Variants in PPM1L observed in about 807,000 individuals in gnomAD.
The protein encoded by PPM1L is protein phosphatase, Mg2+/Mn2+ dependent 1L, also known as protein phosphatase 1L.
Under a neutral mutation model 31.4 loss-of-function variants are expected in PPM1L, and 13 were observed. The observed-to-expected ratio is 0.41, with a 90% CI of 0.27 to 0.66. PPM1L has a LOEUF of 0.66. PPM1L is among the 30% of genes least tolerant of loss of function. The probability of loss-of-function intolerance (pLI) is 0.29; values close to 1 mark genes in which losing one functional copy is unlikely to be tolerated. For missense variants in PPM1L, 326 were observed against 453.7 expected, an observed-to-expected ratio of 0.72 and a Z score of 2.56; for synonymous variants, 184 against 175.4, an observed-to-expected ratio of 1.05 and a Z score of -0.39.
chr3:160,933,346 G>A (rs1714848318), intron 1 of PPM1L, among the ~76,000 whole-genome samples: 2 of 151,888 alleles, frequency 1.3e-5, no homozygotes, highest in Admixed American at 6.6e-5. Flanking sequence ...TTTTTGAACT[G>A]TTCACAAAAT....
At chr3:160,926,673 T>G (rs1714604665) in intron 1 of PPM1L, among the ~76,000 whole-genome samples, 1 of 152,204 alleles carries the variant, frequency 6.6e-6, no homozygotes, top group South Asian at 2.1e-4. Flanking sequence ...GGATGTTTGT[T>G]TCAATGTGAG....
At chr3:160,990,855 T>C (rs995684298) in intron 2 of PPM1L, among the ~76,000 whole-genome samples, 4 of 152,202 alleles carry the variant, frequency 2.6e-5, no homozygotes, top group Non-Finnish European at 5.9e-5. Flanking sequence ...GTCTATTACA[T>C]TGCAGAATCT....
intron 1 of PPM1L, among the ~76,000 whole-genome samples, chr3:160,793,930 G>A (rs948114012): frequency 6.7e-6 from 1 of 148,616 alleles, no homozygotes; most frequent in Non-Finnish European, 1.5e-5. Flanking sequence ...GGCTGGGGCA[G>A]TTGAGCTCTG....
At position 160,957,687 on chromosome 3, in the gene PPM1L, C is replaced by T. The variant is rs187815577; in HGVS notation, c.400-4049C>T. Among the ~76,000 whole-genome samples the T allele has an allele frequency of 1.4e-3, 218 of 151,684 alleles. 2 individuals carry two copies. In the South Asian group the frequency reaches 0.019, roughly 13 times the overall value. On this transcript the variant is annotated intron_variant, in intron 1 of 3. Coordinates refer to ENST00000498165, the MANE Select transcript of PPM1L (RefSeq NM_139245.4). ...CCGCCTCCCAGGTTCACCCATTCTC[C>T]TGCCTCGGCCTCCCAAGTAGCTGGG...
intron 1 of PPM1L, among the ~76,000 whole-genome samples, chr3:160,875,233 T>G (rs1712464868): frequency 1.3e-5 from 2 of 152,384 alleles, no homozygotes; most frequent in South Asian, 4.1e-4. Flanking sequence ...TACTTATTTA[T>G]TTAGTTTCAC....
At chr3:160,860,777 G>C (rs1024631730) in intron 1 of PPM1L, among the ~76,000 whole-genome samples, 1 of 152,172 alleles carries the variant, frequency 6.6e-6, no homozygotes, top group Non-Finnish European at 1.5e-5. Flanking sequence ...GTCTGATGAG[G>C]TTCCTCTTCC....
chr3:160,876,573 G>T (rs980341723), intron 1 of PPM1L, among the ~76,000 whole-genome samples: 1 of 152,220 alleles, frequency 6.6e-6, no homozygotes, highest in African/African-American at 2.4e-5. Flanking sequence ...AAGTGCTCCT[G>T]TTACTGCAGA....
At chr3:160,907,367 A>C (rs2108059395) in intron 1 of PPM1L, among the ~76,000 whole-genome samples, 1 of 152,370 alleles carries the variant, frequency 6.6e-6, no homozygotes, top group South Asian at 2.1e-4. Flanking sequence ...GAAGCTACCT[A>C]GCTTTTTGAA....
At chr3:160,974,984 T>A (rs1716513854) in intron 2 of PPM1L, among the ~76,000 whole-genome samples, 1 of 152,186 alleles carries the variant, frequency 6.6e-6, no homozygotes, top group South Asian at 2.1e-4. Flanking sequence ...TAGATTTTCT[T>A]CTAGGGTTTT....
intron 1 of PPM1L, among the ~76,000 whole-genome samples, chr3:160,925,851 A>G (rs1443344474): frequency 6.6e-6 from 1 of 152,216 alleles, no homozygotes; most frequent in Non-Finnish European, 1.5e-5. Flanking sequence ...CCATCTTTCT[A>G]GTTCTACTCA....
chr3:160,956,158 T>C (rs1032236236), intron 1 of PPM1L, among the ~76,000 whole-genome samples: 1 of 152,212 alleles, frequency 6.6e-6, no homozygotes, highest in African/African-American at 2.4e-5. Context: ...CTTCTTTTCA[T>C]TTATCCTTCT....
rs150114829 is a variant in PPM1L at position 160,912,590 on chromosome 3, A to G, written c.400-49146A>G. Among the ~76,000 whole-genome samples the G allele has an allele frequency of 4.7e-4, 71 of 152,278 alleles. No individual in the cohort carries two copies. The East Asian group carries it at 0.012, about 25-fold the overall frequency. On this transcript the variant is annotated intron_variant, in intron 1 of 3. Transcript: ENST00000498165. ...GTCTGAAATGCCACCAATTCTAGCA[A>G]TTGATTTATCTGGATCCCCTAAGAC...
At chr3:160,967,447 G>T (rs1716190353) in intron 2 of PPM1L, among the ~76,000 whole-genome samples, 1 of 151,892 alleles carries the variant, frequency 6.6e-6, no homozygotes, top group Admixed American at 6.6e-5. Context: ...GTCTATAAGG[G>T]CCTGGTTCCT....
At chr3:160,870,071 G>C (rs1159069237) in intron 1 of PPM1L, among the ~76,000 whole-genome samples, 2 of 152,124 alleles carry the variant, frequency 1.3e-5, no homozygotes, top group African/African-American at 4.8e-5. Flanking sequence ...TTTCTTGCCA[G>C]CACCTGCCAC....
chr3:161,035,302 G>GGTGA (rs1207353914), intron 2 of PPM1L, among the ~76,000 whole-genome samples: 7 of 152,056 alleles, frequency 4.6e-5, no homozygotes, highest in African/African-American at 1.7e-4. Flanking sequence ...GGAAAGAAGT[G>GGTGA]GTGAGCAATG....
intron 1 of PPM1L, among the ~76,000 whole-genome samples, chr3:160,938,332 A>G (rs1438585654): frequency 6.6e-6 from 1 of 152,228 alleles, no homozygotes; most frequent in African/African-American, 2.4e-5. Flanking sequence ...CGTTTCAATG[A>G]TACATGAAAA....
chr3:160,943,806 C>T (rs1715233171), intron 1 of PPM1L, among the ~76,000 whole-genome samples: 1 of 152,046 alleles, frequency 6.6e-6, no homozygotes, highest in South Asian at 2.1e-4. Flanking sequence ...GAAAAGAAAG[C>T]TTGGTTTGTT....
chr3:160,863,142 AT>A (rs1292204727), intron 1 of PPM1L, among the ~76,000 whole-genome samples: 1 of 152,196 alleles, frequency 6.6e-6, no homozygotes, highest in Non-Finnish European at 1.5e-5. Context: ...ATTTTGTCAT[AT>A]ATATGACAAA....
chr3:160,960,796 A>G (rs1378216067), intron 1 of PPM1L, among the ~76,000 whole-genome samples: 1 of 152,146 alleles, frequency 6.6e-6, no homozygotes, highest in Non-Finnish European at 1.5e-5. Flanking sequence ...TCTGTCACTT[A>G]ATTATGCTCA....
Sources: allele counts gnomAD v4.1 joint callset (sites outside exome capture counted in the v4.1 genomes callset), GRCh38; gene constraint gnomAD v4.1.1; transcripts MANE v1.5; gene names NCBI Gene and HGNC (gene_info 2026-07-23, HGNC 2026-07-21).